The following L3MBTL3 variants were observed in gnomAD, a reference collection of about 807,000 sequenced individuals.
L3MBTL3 encodes the protein L3MBTL histone methyl-lysine binding protein 3.
Under a neutral mutation model 102.3 loss-of-function variants are expected in L3MBTL3, and 27 were observed. That is an observed-to-expected ratio of 0.26 (90% CI 0.19 to 0.36). L3MBTL3 has a LOEUF of 0.36. Among genes scored for constraint, L3MBTL3 ranks in the 10% least tolerant of loss-of-function variants. The pLI is 1.00. For missense variants in L3MBTL3, 798 were observed against 955.3 expected, an observed-to-expected ratio of 0.84 and a Z score of 2.17; for synonymous variants, 340 against 320.9, an observed-to-expected ratio of 1.06 and a Z score of -0.64.
intron 6 of L3MBTL3, among the ~76,000 whole-genome samples, chr6:130,052,348 G>A (rs539016786): frequency 3.9e-5 from 6 of 151,916 alleles, no homozygotes; most frequent in South Asian, 2.1e-4. Flanking sequence ...CTCATGATCC[G>A]CCTGCCTCAG....
intron 22 of L3MBTL3, among the ~76,000 whole-genome samples, chr6:130,135,354 G>A (rs1787534208): frequency 6.6e-6 from 1 of 152,066 alleles, no homozygotes; most frequent in Admixed American, 6.6e-5. Context: ...GTGAGCCACC[G>A]TGCCCAGCCT....
At chr6:130,053,196 A>G (rs1196731450) in intron 7 of L3MBTL3, among the ~76,000 whole-genome samples, 1 of 149,306 alleles carries the variant, frequency 6.7e-6, no homozygotes, top group Non-Finnish European at 1.5e-5. Context: ...TCCTTCTCTC[A>G]GGGTGAAAAA....
chr6:130,118,426 T>C (rs887369440), intron 19 of L3MBTL3, among the ~76,000 whole-genome samples: 1 of 152,218 alleles, frequency 6.6e-6, no homozygotes, highest in Non-Finnish European at 1.5e-5. Flanking sequence ...ATGTGCTCGA[T>C]TAAGATTCTG....
At chr6:130,122,019 C>G (rs1224268127) in intron 20 of L3MBTL3, among the ~76,000 whole-genome samples, 4 of 152,196 alleles carry the variant, frequency 2.6e-5, no homozygotes, top group Admixed American at 2.6e-4. Flanking sequence ...GCACTCTAGT[C>G]TGAGCTACAG....
At chr6:130,101,690 G>C (rs144676639) in intron 18 of L3MBTL3, among the ~76,000 whole-genome samples, 2 of 152,332 alleles carry the variant, frequency 1.3e-5, no homozygotes, top group Non-Finnish European at 2.9e-5. Flanking sequence ...AGATCGTTTT[G>C]AGGGAGTGTG....
intron 16 of L3MBTL3, 127 bp downstream of exon 16, chr6:130,086,377 G>T: frequency 1.5e-6 from 1 of 659,092 alleles, no homozygotes; most frequent in Non-Finnish European, 2.7e-6. Flanking sequence ...CAAAATAATT[G>T]GCTGTGCATC....
At chr6:130,078,696 C>G (rs1783114872) in intron 14 of L3MBTL3, 62 bp downstream of exon 14, 1 of 1,078,440 alleles carries the variant, frequency 9.3e-7, no homozygotes, top group South Asian at 1.4e-5. Context: ...CAGACTTTTT[C>G]TGTAAAGGGC....
chr6:130,101,629 G>C (rs988770507), intron 18 of L3MBTL3, among the ~76,000 whole-genome samples: 5 of 152,204 alleles, frequency 3.3e-5, no homozygotes, highest in Non-Finnish European at 5.9e-5. Flanking sequence ...AGGGCAGGGG[G>C]ACTGAGAGCA....
In L3MBTL3 at chr6:130,073,081, C is replaced by A. The variant is rs952043748; in HGVS notation, c.1244+1954C>A. 6.6e-5 allele frequency among the ~76,000 whole-genome samples: 10 copies of A among 152,178 alleles called. No homozygotes were observed. The East Asian group carries it at 1.9e-3, about 29-fold the overall frequency. ...CTATTTACTGTGTTCTTCTGTTCCT[C>A]CTATTTACTGTAAATTGGTGGTTTT... On this transcript the variant is annotated intron_variant, in intron 13 of 22. Coordinates refer to ENST00000361794, the MANE Select transcript of L3MBTL3 (RefSeq NM_032438.4).
rs75801062 is a variant in L3MBTL3, at chr6:130,054,985, A to G, written c.583-186A>G. On this transcript the variant is annotated intron_variant, in intron 7 of 22. Coordinates refer to ENST00000361794, the MANE Select transcript of L3MBTL3 (RefSeq NM_032438.4). The stretch of plus-strand genomic sequence containing the variant: ...ACCGGTAACACGTGGATACAGTCTT[A>G]TTTTGTAATAACCTCAGGCCAAAAG... The G allele has an allele frequency of 3.7e-3, 2,072 of 556,748 alleles. 31 individuals carry two copies. The highest frequency in any genetic ancestry group is 0.036 in the African/African-American group (1,873 of 52,722). 34.5% of individuals were successfully genotyped at this position (556,748 alleles called of 1,614,324 possible).
intron 3 of L3MBTL3, among the ~76,000 whole-genome samples, chr6:130,045,323 C>G (rs1001872133): frequency 6.6e-6 from 1 of 152,106 alleles, no homozygotes; most frequent in Non-Finnish European, 1.5e-5. Flanking sequence ...GTTACTGTTC[C>G]CTGTTGCTGG....
intron 13 of L3MBTL3, among the ~76,000 whole-genome samples, chr6:130,071,767 T>G (rs1782653576): frequency 6.6e-6 from 1 of 152,132 alleles, no homozygotes; most frequent in Admixed American, 6.5e-5. Context: ...TGTTATAGGA[T>G]AAGTGAATAT....
At chr6:130,055,526 CTCTCCCTCTCTCCCTCCCTG>C (rs1382597644) in intron 8 of L3MBTL3, among the ~76,000 whole-genome samples, 3 of 130,330 alleles carry the variant, frequency 2.3e-5, no homozygotes, top group Non-Finnish European at 5.1e-5. Context: ...CTCCCTGCCT[CTCTCCCTCTCTCCCTCCCTG>C]TCTCCCTCTC....
chr6:130,116,408 C>G (rs1269587485), intron 19 of L3MBTL3, among the ~76,000 whole-genome samples: 1 of 142,476 alleles, frequency 7.0e-6, no homozygotes, highest in Non-Finnish European at 1.6e-5. Context: ...TAAACCAGAT[C>G]TCTTCACTTC....
chr6:130,074,063 A>G (rs1782797774), intron 13 of L3MBTL3, among the ~76,000 whole-genome samples: 1 of 152,184 alleles, frequency 6.6e-6, no homozygotes, highest in African/African-American at 2.4e-5. Context: ...AATGGTTTTT[A>G]TCTGCATAAA....
chr6:130,098,491 A>G (rs1650224612), intron 18 of L3MBTL3, among the ~76,000 whole-genome samples: 1 of 152,152 alleles, frequency 6.6e-6, no homozygotes, highest in Admixed American at 6.5e-5. Flanking sequence ...TATGTTACGG[A>G]GTTTTTATTG....
At chr6:130,078,763 A>G (rs1346805575) in intron 14 of L3MBTL3, 129 bp downstream of exon 14, 2 of 612,512 alleles carry the variant, frequency 3.3e-6, no homozygotes, top group Non-Finnish European at 5.9e-6. Context: ...CCACTACTCA[A>G]AACAGTTGTA....
intron 20 of L3MBTL3, among the ~76,000 whole-genome samples, chr6:130,121,704 C>T (rs1299788268): frequency 6.6e-6 from 1 of 151,724 alleles, no homozygotes; most frequent in Non-Finnish European, 1.5e-5. Flanking sequence ...TTGTCTTAAT[C>T]TAATATCACA....
At chr6:130,114,621 G>A (rs1378572107) in intron 19 of L3MBTL3, among the ~76,000 whole-genome samples, 2 of 151,910 alleles carry the variant, frequency 1.3e-5, no homozygotes, top group African/African-American at 4.8e-5. Flanking sequence ...ACTAGCGTAT[G>A]GTCCTTATGC....
Sources: gnomAD v4.1 joint callset for allele counts (sites outside exome capture counted in the v4.1 genomes callset) on GRCh38, gnomAD v4.1.1 for gene constraint, MANE v1.5 for transcripts, NCBI Gene and HGNC (gene_info 2026-07-23, HGNC 2026-07-21) for gene names.